The following PHACTR2 variants were observed in gnomAD, a reference collection of about 807,000 sequenced individuals.
PHACTR2 encodes the protein phosphatase and actin regulator 2.
PHACTR2 carries 30 observed loss-of-function variants against 76.0 expected under a neutral mutation model. That is an observed-to-expected ratio of 0.39 (90% CI 0.30 to 0.54). The LOEUF (loss-of-function observed/expected upper bound fraction) is 0.54. PHACTR2 is among the 20% of genes least tolerant of loss of function. The probability of loss-of-function intolerance (pLI) is 0.61; values close to 1 mark genes in which losing one functional copy is unlikely to be tolerated. For synonymous variants in PHACTR2, 292 were observed against 292.5 expected (o/e 1.00, Z 0.02); for missense variants, 696 against 781.1 (o/e 0.89, Z 1.30).
chr6:143,628,924 GATATATATATATATAT>G (rs71024862), intron 1 of PHACTR2, among the ~76,000 whole-genome samples: 587 of 33,896 alleles, frequency 0.017, 13 homozygotes, highest in South Asian at 0.034. Flanking sequence ...AAATGCAGGA[GATATATATATATATAT>G]ATATATATAT....
intron 4 of PHACTR2, among the ~76,000 whole-genome samples, chr6:143,758,831 C>T (rs1168127848): frequency 1.3e-5 from 2 of 152,044 alleles, no homozygotes; most frequent in Non-Finnish European, 2.9e-5. Context: ...CTGAAGTCAT[C>T]TATGCTAATT....
rs1436328550 is a variant in PHACTR2 at position 143,806,316 on chromosome 6, G to T, written c.1846-741G>T. Among the ~76,000 whole-genome samples, 1 of 152,186 alleles carries T rather than the reference G, an allele frequency of 6.6e-6. No individual in the cohort carries two copies. The highest frequency in any genetic ancestry group is 1.5e-5 in the Non-Finnish European group (1 of 68,030). ...TTCTTTGGGTAGCTTTAAGGATTAT[G>T]CTGAAATTATAAGTTCTATTTCTAT... On this transcript the variant is annotated intron_variant, in intron 11 of 12. Coordinates refer to ENST00000440869, the MANE Select transcript of PHACTR2 (RefSeq NM_001100164.2). The surrounding 1 kb of genome is among the most constrained non-coding windows in gnomAD (Gnocchi z 5.8).
chr6:143,817,804 A>G (rs1053745725), intron 12 of PHACTR2, among the ~76,000 whole-genome samples: 5 of 152,194 alleles, frequency 3.3e-5, no homozygotes, highest in African/African-American at 1.2e-4. Flanking sequence ...TAAAAAGTTG[A>G]TCTCATTGAA....
intron 10 of PHACTR2, among the ~76,000 whole-genome samples, chr6:143,786,468 G>A (rs901558788): frequency 1.3e-5 from 2 of 152,126 alleles, no homozygotes; most frequent in African/African-American, 4.8e-5. Context: ...CTTCCAAACT[G>A]TTCCAACATC....
Position 143,821,692 on chromosome 6 carries a change from T to G in PHACTR2, c.1923-1982T>G, listed in dbSNP as rs540258580. ...CATAAAGCGCAGATGGTAAGAGAGA[T>G]AAAGGTAGAAGAAAGAGTAGGCCAG... is the stretch of plus-strand genomic sequence containing the variant. On this transcript the variant is annotated intron_variant, in intron 12 of 12. Transcript: ENST00000440869. The surrounding 1 kb of genome is among the most constrained non-coding windows in gnomAD (Gnocchi z 5.2). Among the ~76,000 whole-genome samples, 1 of 152,206 alleles carries G rather than the reference T, an allele frequency of 6.6e-6. No homozygotes were observed. Among genetic ancestry groups the G allele is most frequent in the South Asian group, 2.1e-4 (1 of 4,824 alleles).
intron 6 of PHACTR2, among the ~76,000 whole-genome samples, chr6:143,766,982 G>T (rs906817852): frequency 6.6e-6 from 1 of 152,010 alleles, no homozygotes; most frequent in African/African-American, 2.4e-5. Flanking sequence ...CATGTAAAAG[G>T]TTCTCTTTCA....
At position 143,700,624 on chromosome 6, in the gene PHACTR2, A is replaced by G. The variant is rs1244196186; in HGVS notation, c.47-11392A>G. 6.6e-6 allele frequency among the ~76,000 whole-genome samples: 1 copy of G among 152,246 alleles called. No homozygotes were observed. The highest frequency in any genetic ancestry group is 2.4e-5 in the African/African-American group (1 of 41,460). On this transcript the variant is annotated intron_variant, in intron 1 of 12. Coordinates refer to ENST00000440869, the MANE Select transcript of PHACTR2 (RefSeq NM_001100164.2). This position sits in a 1 kb window ranked among gnomAD's most constrained non-coding sequence, Gnocchi z 4.1. ...CAGTATATTTTATTTCACAAATTAT[A>G]TATAAGGTCTACCAGCTTCTCCCCT...
rs941051030 is a variant in PHACTR2 at position 143,553,701 on chromosome 6, G to A, written c.217+16494G>A. Among the ~76,000 whole-genome samples the A allele has an allele frequency of 2.6e-5, 4 of 152,134 alleles. No individual in the cohort carries two copies. Among genetic ancestry groups the A allele is most frequent in the African/African-American group, 9.7e-5 (4 of 41,426 alleles). On this transcript the variant is annotated intron_variant, in intron 1 of 11. Transcript: ENST00000367584. The surrounding 1 kb of genome is among the most constrained non-coding windows in gnomAD (Gnocchi z 4.2). ...GAGGTTGAGGCCTAGTTGAGAAGAG[G>A]GCTCAGGGGAGCTGACTAGAGTTTG...
intron 11 of PHACTR2, 27 bp downstream of exon 11, chr6:143,788,937 G>T: frequency 6.3e-7 from 1 of 1,591,362 alleles, no homozygotes; most frequent in Non-Finnish European, 8.6e-7. Context: ...ATTTTGTGTT[G>T]ATTGTATTGC....
chr6:143,634,613 A>G (rs140135575), intron 1 of PHACTR2, among the ~76,000 whole-genome samples: 1 of 152,276 alleles, frequency 6.6e-6, no homozygotes, highest in African/African-American at 2.4e-5. Flanking sequence ...CAGTTAGATG[A>G]TTTATCTCTG....
At chr6:143,759,652 T>A (rs1334229973) in intron 4 of PHACTR2, among the ~76,000 whole-genome samples, 1 of 145,676 alleles carries the variant, frequency 6.9e-6, no homozygotes, top group South Asian at 2.2e-4. Context: ...ATTTTTTTTT[T>A]AAGATTTTCT....
At chr6:143,607,553 A>G (rs1434099157), upstream of PHACTR2, among the ~76,000 whole-genome samples, 2 of 150,644 alleles carry the variant, frequency 1.3e-5, no homozygotes, top group Admixed American at 6.6e-5. Flanking sequence ...TTCTTGAATT[A>G]TTAGTGACAT....
Position 143,816,170 on chromosome 6 carries a change from A to T in PHACTR2, c.1923-7504A>T, listed in dbSNP as rs1479497643. Among the ~76,000 whole-genome samples the T allele has an allele frequency of 6.6e-6, 1 of 152,164 alleles. No homozygotes were observed. Among genetic ancestry groups the T allele is most frequent in the Non-Finnish European group, 1.5e-5 (1 of 68,026 alleles). Reference sequence around the variant, plus strand: ...GCTTCAGTATCCTTAGGGCACAGTAAATCTATTTATTCCTCCACCAACTTG... The same window carrying T: ...GCTTCAGTATCCTTAGGGCACAGTATATCTATTTATTCCTCCACCAACTTG... On this transcript the variant is annotated intron_variant, in intron 12 of 12. Transcript: ENST00000440869. The surrounding 1 kb of genome is among the most constrained non-coding windows in gnomAD (Gnocchi z 4.5).
In PHACTR2 at chr6:143,602,926, C is replaced by T. The variant is rs1268409781; in HGVS notation, c.217+65719C>T. Among the ~76,000 whole-genome samples the T allele has an allele frequency of 6.6e-6, 1 of 152,118 alleles. No individual in the cohort carries two copies. Among genetic ancestry groups the T allele is most frequent in the Non-Finnish European group, 1.5e-5 (1 of 68,016 alleles). ...TTGGGAGGCCGAGGTGGGCAGATCA[C>T]CCGTGGTCAGGAGTTTGAGACCAGC... On this transcript the variant is annotated intron_variant, in intron 1 of 11. Transcript: ENST00000367584. This position sits in a 1 kb window ranked among gnomAD's most constrained non-coding sequence, Gnocchi z 6.1.
At chr6:143,638,576 T>TAC (rs113707533) in intron 1 of PHACTR2, among the ~76,000 whole-genome samples, 35,344 of 146,790 alleles carry the variant, frequency 0.24, 4,430 homozygotes, top group Middle Eastern at 0.35. Context: ...CACACACACA[T>TAC]ACACACACAC....
chr6:143,640,660 A>T (rs1394812413), intron 1 of PHACTR2, among the ~76,000 whole-genome samples: 1 of 152,200 alleles, frequency 6.6e-6, no homozygotes, highest in Non-Finnish European at 1.5e-5. Flanking sequence ...TTAATACATT[A>T]ATAAACTACT....
rs1416326170 is a variant in PHACTR2, at chr6:143,733,008, G to GC, written c.215-15975dup. ...GGCTCAAAGCAATCCTCCTGCCTCA[G>GC]CCTCCCAAGTTGCTAGGACCAAAGG... is the stretch of plus-strand genomic sequence containing the variant. On this transcript the variant is annotated intron_variant, in intron 2 of 12. Transcript: ENST00000440869. This position sits in a 1 kb window ranked among gnomAD's most constrained non-coding sequence, Gnocchi z 4.0. 6.6e-6 allele frequency among the ~76,000 whole-genome samples: 1 copy of GC among 152,030 alleles called. No individual in the cohort carries two copies. Among genetic ancestry groups the GC allele is most frequent in the Non-Finnish European group, 1.5e-5 (1 of 67,996 alleles).
upstream of PHACTR2, chr6:143,677,923 T>G: frequency 5.7e-6 from 4 of 704,838 alleles, no homozygotes; most frequent in Non-Finnish European, 7.0e-6. Context: ...TCTTCCCCCG[T>G]GACCCCTGAC....
chr6:143,773,178 A>C (rs989292785), intron 7 of PHACTR2, among the ~76,000 whole-genome samples: 2 of 152,140 alleles, frequency 1.3e-5, no homozygotes, highest in African/African-American at 4.8e-5. Flanking sequence ...GCGCCACTGC[A>C]CTCCAGCCTG....
Sources: gnomAD v4.1 joint callset for allele counts (sites outside exome capture counted in the v4.1 genomes callset) on GRCh38, gnomAD v4.1.1 for gene constraint, Gnocchi (gnomAD v3.1) non-coding constraint, MANE v1.5 for transcripts, NCBI Gene and HGNC (gene_info 2026-07-23, HGNC 2026-07-21) for gene names.